Variants in ENOX2 observed in about 807,000 individuals in gnomAD.
The protein encoded by ENOX2 is ecto-NOX disulfide-thiol exchanger 2.
A neutral mutation model predicts 45.0 loss-of-function variants in ENOX2; 36 were observed. That is an observed-to-expected ratio of 0.80 (90% CI 0.61 to 1.06). The LOEUF is 1.06. ENOX2 is among the 50% of genes least tolerant of loss of function. The pLI, the probability that ENOX2 is intolerant of heterozygous loss-of-function variation, is 0.00. For synonymous variants in ENOX2, 174 were observed against 152.3 expected (o/e 1.14, Z -1.05); for missense variants, 423 against 462.5 (o/e 0.91, Z 0.78).
intron 3 of ENOX2, among the ~76,000 whole-genome samples, chrX:130,735,076 C>A (rs1471710085): frequency 1.8e-5 from 2 of 112,488 alleles, no homozygotes; most frequent in Non-Finnish European, 3.8e-5. Flanking sequence ...ACATCACCAC[C>A]TCTGTGCTCA....
chrX:130,819,255 G>C (rs757158562), intron 2 of ENOX2, among the ~76,000 whole-genome samples: 1 of 111,883 alleles, frequency 8.9e-6, no homozygotes, highest in Admixed American at 9.5e-5. Context: ...GGAGAAACAG[G>C]AACGCTTTCA....
intron 2 of ENOX2, among the ~76,000 whole-genome samples, chrX:130,864,817 C>A (rs980930123): frequency 4.5e-5 from 5 of 111,650 alleles, no homozygotes; most frequent in African/African-American, 1.6e-4. Context: ...AGTTTGAGAC[C>A]AGCCTGGCCA....
intron 7 of ENOX2, among the ~76,000 whole-genome samples, chrX:130,668,076 TGAGAGA>T (rs755689837): frequency 3.9e-5 from 4 of 102,413 alleles, no homozygotes; most frequent in Middle Eastern, 5.0e-3. Context: ...TGTGTGTGTG[TGAGAGA>T]GAGAGAGAGA....
chrX:130,715,580 T>C (rs183975421), intron 3 of ENOX2, among the ~76,000 whole-genome samples: 26 of 111,680 alleles, frequency 2.3e-4, no homozygotes, highest in African/African-American at 8.1e-4. Context: ...TTTTTTTTTT[T>C]TTGAAAACCA....
intron 9 of ENOX2, among the ~76,000 whole-genome samples, chrX:130,659,177 T>A (rs1163861158): frequency 8.9e-6 from 1 of 112,306 alleles, no homozygotes; most frequent in Non-Finnish European, 1.9e-5. Context: ...GGGAATTATA[T>A]GTGTTTCAAA....
chrX:130,870,687 A>G (rs1414071050), intron 2 of ENOX2, among the ~76,000 whole-genome samples: 1 of 111,564 alleles, frequency 9.0e-6, no homozygotes, highest in African/African-American at 3.3e-5. Flanking sequence ...CCTTTAACAC[A>G]CACCTTGCCA....
At position 130,731,827 on chromosome X, in the gene ENOX2, A is replaced by T. The variant is rs972585817; in HGVS notation, c.-38-28573T>A. Among the ~76,000 whole-genome samples the T allele has an allele frequency of 7.1e-5, 8 of 111,959 alleles. No homozygotes were observed. In the Admixed American group the frequency reaches 7.6e-4, roughly 11 times the overall value. ...CCCTTTTTTGATAAAAACTCTCAAC[A>T]AACTGGAAATAGAAGGAAAGGACCT... On this transcript the variant is annotated intron_variant, in intron 3 of 14. Coordinates refer to ENST00000394363, the MANE Select transcript of ENOX2 (RefSeq NM_006375.4).
At chrX:130,677,106 A>G (rs2037173994) in intron 6 of ENOX2, among the ~76,000 whole-genome samples, 1 of 111,856 alleles carries the variant, frequency 8.9e-6, no homozygotes, top group Non-Finnish European at 1.9e-5. Flanking sequence ...ATTGTCCACA[A>G]GCAAATGTTT....
intron 10 of ENOX2, among the ~76,000 whole-genome samples, chrX:130,642,900 T>C (rs1329162777): frequency 8.9e-6 from 1 of 112,379 alleles, no homozygotes; most frequent in Admixed American, 9.4e-5. Context: ...AAATAATTCA[T>C]ATAGAGTGCT....
intron 2 of ENOX2, among the ~76,000 whole-genome samples, chrX:130,823,140 A>C (rs1462621165): frequency 8.9e-6 from 1 of 112,073 alleles, no homozygotes; most frequent in Non-Finnish European, 1.9e-5. Context: ...CTAACAGAAG[A>C]ACACCCACAC....
intron 3 of ENOX2, among the ~76,000 whole-genome samples, chrX:130,759,873 T>C (rs770067415): frequency 5.4e-5 from 6 of 111,161 alleles, no homozygotes; most frequent in Non-Finnish European, 1.1e-4. Flanking sequence ...AGAGATTGCA[T>C]TGAATCTAAA....
chrX:130,781,227 T>G (rs901562024), intron 3 of ENOX2, among the ~76,000 whole-genome samples: 5 of 111,993 alleles, frequency 4.5e-5, no homozygotes, highest in African/African-American at 1.6e-4. Context: ...TTAACCTGGG[T>G]TGGAGTTACC....
intron 2 of ENOX2, among the ~76,000 whole-genome samples, chrX:130,861,807 TAATA>T (rs1306421224): frequency 9.0e-6 from 1 of 111,511 alleles, no homozygotes; most frequent in East Asian, 2.8e-4. Context: ...ACACAAATAA[TAATA>T]AATAAGAGGG....
chrX:130,732,929 A>T (rs779525438), intron 3 of ENOX2, among the ~76,000 whole-genome samples: 10 of 111,915 alleles, frequency 8.9e-5, no homozygotes, highest in African/African-American at 1.6e-4. Flanking sequence ...TCCTAGATGA[A>T]AACAGGGGGA....
chrX:130,631,228 T>C (rs756907168), intron 13 of ENOX2, among the ~76,000 whole-genome samples: 3 of 111,611 alleles, frequency 2.7e-5, no homozygotes, highest in African/African-American at 9.8e-5. Context: ...TTAGTGCTTG[T>C]ACTGACATGC....
chrX:130,829,348 C>T (rs185302254), intron 2 of ENOX2, among the ~76,000 whole-genome samples: 216 of 111,578 alleles, frequency 1.9e-3, no homozygotes, highest in African/African-American at 6.3e-3. Flanking sequence ...AATATTACTG[C>T]TTACTTATTT....
intron 5 of ENOX2, among the ~76,000 whole-genome samples, chrX:130,680,245 C>T (rs2037266324): frequency 1.8e-5 from 2 of 111,969 alleles, no homozygotes; most frequent in South Asian, 3.8e-4. Context: ...GGGGTACCTA[C>T]TTACAACAAT....
chrX:130,656,689 G>A lies in ENOX2; in HGVS notation c.1021C>T (p.Arg341Cys), dbSNP rs199818795. The A allele has an allele frequency of 6.4e-6, 7 of 1,092,167 alleles. No homozygotes were observed. The highest frequency in any genetic ancestry group is 2.3e-5 in the Admixed American group (1 of 42,938). The allele number at this position is 1,092,167 out of a possible 1,213,427, so 90.0% of individuals were successfully genotyped here. A position where few individuals can be genotyped will look rare whatever the true frequency, so the allele number is the denominator to read the frequency against. Residue 341 changes from arginine (R) to cysteine (C), a missense_variant, in exon 10 of 15, where the codon CGC becomes TGC. Transcript: ENST00000394363. ...ATTAATTCATCATTATGAATGTTGC[G>A]AATTTCCTAAGGTTAAAAAGTATGC... Reference protein sequence around the residue: ...SVWCKQAEEIRNIHNDELMGI... With the variant: ...SVWCKQAEEICNIHNDELMGI...
At chrX:130,638,431 AACACACACACACACAC>A (rs34648095) in intron 10 of ENOX2, among the ~76,000 whole-genome samples, 66 of 92,781 alleles carry the variant, frequency 7.1e-4, no homozygotes, top group African/African-American at 2.3e-3. Flanking sequence ...AACAATTTGA[AACACACACACACACAC>A]ACACACACAC....
Sources: allele counts gnomAD v4.1 joint callset (sites outside exome capture counted in the v4.1 genomes callset), GRCh38; gene constraint gnomAD v4.1.1; transcripts MANE v1.5; gene names NCBI Gene and HGNC (gene_info 2026-07-23, HGNC 2026-07-21).